Variants in ASIC2 observed in about 807,000 individuals in gnomAD.
ASIC2 encodes acid sensing ion channel subunit 2.
Under a neutral mutation model 57.3 loss-of-function variants are expected in ASIC2, and 25 were observed. The observed-to-expected ratio is 0.44, with a 90% CI of 0.32 to 0.61. The LOEUF is 0.61. ASIC2 is among the 20% of genes least tolerant of loss of function. The pLI is 0.06. For synonymous variants in ASIC2, 319 were observed against 307.5 expected (o/e 1.04, Z -0.39); for missense variants, 641 against 738.1 (o/e 0.87, Z 1.52).
At chr17:33,224,784 C>A (rs1404017960) in intron 1 of ASIC2, among the ~76,000 whole-genome samples, 2 of 152,128 alleles carry the variant, frequency 1.3e-5, no homozygotes, top group African/African-American at 4.8e-5. Context: ...TGCAGTTGCT[C>A]AGTTATTAAT....
chr17:33,314,041 C>T (rs145308271), intron 1 of ASIC2, among the ~76,000 whole-genome samples: 2 of 152,228 alleles, frequency 1.3e-5, no homozygotes, highest in East Asian at 1.9e-4. Flanking sequence ...TTTGCTTCCT[C>T]TGTGGTTATG....
chr17:34,045,974 C>T (rs971650992), intron 1 of ASIC2, among the ~76,000 whole-genome samples: 5 of 152,260 alleles, frequency 3.3e-5, no homozygotes, highest in African/African-American at 1.2e-4. Context: ...AGAAAACTCC[C>T]ACTTTTGCCC....
At chr17:33,835,955 T>C (rs748502881) in intron 1 of ASIC2, among the ~76,000 whole-genome samples, 3 of 151,052 alleles carry the variant, frequency 2.0e-5, no homozygotes, top group Non-Finnish European at 4.4e-5. Flanking sequence ...GTATATGAAA[T>C]ACTAATTATA....
chr17:33,685,502 T>A (rs540581022), intron 1 of ASIC2, among the ~76,000 whole-genome samples: 1 of 152,078 alleles, frequency 6.6e-6, no homozygotes, highest in African/African-American at 2.4e-5. Flanking sequence ...TAGTCCTTGA[T>A]AGGGGATGAT....
At chr17:33,750,482 A>G (rs573961761) in intron 1 of ASIC2, among the ~76,000 whole-genome samples, 2 of 152,236 alleles carry the variant, frequency 1.3e-5, no homozygotes, top group East Asian at 3.9e-4. Flanking sequence ...GAACCTTTAC[A>G]TTCCAGAAAT....
At chr17:33,078,725 G>GC (rs2092099754) in intron 3 of ASIC2, among the ~76,000 whole-genome samples, 3 of 152,270 alleles carry the variant, frequency 2.0e-5, no homozygotes, top group Admixed American at 1.3e-4. Context: ...ACCACACCCA[G>GC]CCAGCTATAG....
chr17:33,449,960 G>A lies in ASIC2; in HGVS notation c.556-337893C>T, dbSNP rs1050488004. Among the ~76,000 whole-genome samples, 5 of 152,142 alleles carry A rather than the reference G, an allele frequency of 3.3e-5. No homozygotes were observed. The South Asian group carries it at 8.3e-4, about 25-fold the overall frequency. ...TTTTTGTATTTTTAGTAGAGATGGG[G>A]TTTCACTATGTTGGCCAGGCTGGTC... is the stretch of plus-strand genomic sequence containing the variant. On this transcript the variant is annotated intron_variant, in intron 1 of 9. Coordinates refer to the ASIC2 transcript ENST00000359872.
At chr17:34,059,808 C>T (rs1304263026) in intron 1 of ASIC2, among the ~76,000 whole-genome samples, 2 of 152,184 alleles carry the variant, frequency 1.3e-5, no homozygotes, top group Admixed American at 6.5e-5. Flanking sequence ...CTGGGAATCT[C>T]ACCCGCATCC....
At chr17:33,975,069 A>T in intron 1 of ASIC2, among the ~76,000 whole-genome samples, 1 of 152,238 alleles carries the variant, frequency 6.6e-6, no homozygotes, top group East Asian at 1.9e-4. Flanking sequence ...GCCAGTGCTC[A>T]GGATAGTGTC....
At chr17:33,497,402 G>C (rs115601823) in intron 1 of ASIC2, among the ~76,000 whole-genome samples, 4,342 of 152,136 alleles carry the variant, frequency 0.029, 182 homozygotes, top group African/African-American at 0.096. Context: ...AAATAGCAGG[G>C]AATTTTCTTG....
intron 1 of ASIC2, among the ~76,000 whole-genome samples, chr17:33,405,684 A>C (rs1910448583): frequency 6.6e-6 from 1 of 151,742 alleles, no homozygotes; most frequent in African/African-American, 2.4e-5. Flanking sequence ...GGGTTTCAAC[A>C]TGTTGGTCAG....
chr17:34,045,411 T>C (rs1410078916), intron 1 of ASIC2, among the ~76,000 whole-genome samples: 1 of 152,232 alleles, frequency 6.6e-6, no homozygotes, highest in East Asian at 1.9e-4. Flanking sequence ...TCTTTGAAAC[T>C]GGGAGCCCCT....
intron 1 of ASIC2, among the ~76,000 whole-genome samples, chr17:33,755,420 G>T (rs2701482): frequency 0.34 from 51,631 of 152,082 alleles, 10,688 homozygotes; most frequent in Non-Finnish European, 0.49. Flanking sequence ...AACAGGAAAC[G>T]AATACAGCAT....
At chr17:33,667,236 G>C (rs898806865) in intron 1 of ASIC2, among the ~76,000 whole-genome samples, 14 of 152,346 alleles carry the variant, frequency 9.2e-5, no homozygotes, top group African/African-American at 3.4e-4. Flanking sequence ...GGCACGCTTA[G>C]ACGCAGGTGT....
At chr17:33,685,505 G>T (rs1262355010) in intron 1 of ASIC2, among the ~76,000 whole-genome samples, 1 of 152,132 alleles carries the variant, frequency 6.6e-6, no homozygotes, top group Non-Finnish European at 1.5e-5. Flanking sequence ...TCCTTGATAG[G>T]GGATGATTGG....
At chr17:33,244,928 T>C (rs1432645213) in intron 1 of ASIC2, among the ~76,000 whole-genome samples, 2 of 152,252 alleles carry the variant, frequency 1.3e-5, no homozygotes, top group African/African-American at 4.8e-5. Context: ...GGTCTGCCAC[T>C]GTGTGATCTT....
At position 33,648,751 on chromosome 17, in the gene ASIC2, A is replaced by T. The variant is rs563574508; in HGVS notation, c.555+507227T>A. On this transcript the variant is annotated intron_variant, in intron 1 of 9. Coordinates refer to the ASIC2 transcript ENST00000359872. ...TTGAGCTTATTGTTGATTCATCCACATAACTGTGGTCTATAAAACTATTCA... is the reference window on the plus strand; with the variant it reads ...TTGAGCTTATTGTTGATTCATCCACTTAACTGTGGTCTATAAAACTATTCA... Among the ~76,000 whole-genome samples the T allele has an allele frequency of 1.0e-3, 152 of 152,364 alleles. 1 individual carries two copies. Among genetic ancestry groups the T allele is most frequent in the African/African-American group, 3.6e-3 (150 of 41,596 alleles).
At chr17:33,747,619 C>T (rs899584801) in intron 1 of ASIC2, among the ~76,000 whole-genome samples, 2 of 152,178 alleles carry the variant, frequency 1.3e-5, no homozygotes, top group African/African-American at 4.8e-5. Context: ...TCTTGCTTCC[C>T]ACTGCTGCTG....
At chr17:33,694,239 C>T (rs1191235210) in intron 1 of ASIC2, among the ~76,000 whole-genome samples, 1 of 152,168 alleles carries the variant, frequency 6.6e-6, no homozygotes, top group East Asian at 1.9e-4. Context: ...GGTGTTGGCA[C>T]ATTTACAGAG....
Sources: gnomAD v4.1 joint callset for allele counts (sites outside exome capture counted in the v4.1 genomes callset) on GRCh38, gnomAD v4.1.1 for gene constraint, MANE v1.5 for transcripts, NCBI Gene and HGNC (gene_info 2026-07-23, HGNC 2026-07-21) for gene names.